The following ZMIZ1 variants were observed in gnomAD, a reference collection of about 807,000 sequenced individuals.
ZMIZ1 encodes zinc finger MIZ-type containing 1.
Under a neutral mutation model 113.9 loss-of-function variants are expected in ZMIZ1, and 17 were observed. The ratio of observed to expected loss-of-function variants is 0.15; its 90% CI spans 0.10 to 0.22. The LOEUF (loss-of-function observed/expected upper bound fraction) is 0.22. ZMIZ1 is among the 10% of genes least tolerant of loss of function. The probability of loss-of-function intolerance (pLI) is 1.00; values close to 1 mark genes in which losing one functional copy is unlikely to be tolerated. For missense variants in ZMIZ1, 1,059 were observed against 1,477.8 expected (o/e 0.72, Z 4.65); for synonymous variants, 607 against 603.1 (o/e 1.01, Z -0.09).
Position 79,298,585 on chromosome 10 carries a change from G to T in ZMIZ1, c.1666+5G>T. 6.3e-7 allele frequency: 1 copy of T among 1,592,464 alleles called. No individual in the cohort carries two copies. The highest frequency in any genetic ancestry group is 2.3e-5 in the East Asian group (1 of 43,162). ...GCGCTCTGCCACCACCCCCAGGTGA[G>T]GGCCCTCCCTCCCTCTCTTGGCAGC... On this transcript the variant is annotated splice_donor_5th_base_variant and intron_variant, in intron 15 of 24. Coordinates refer to ENST00000334512, the MANE Select transcript of ZMIZ1 (RefSeq NM_020338.4).
chr10:79,243,297 C>T (rs918187698), intron 7 of ZMIZ1, among the ~76,000 whole-genome samples: 1 of 150,342 alleles, frequency 6.7e-6, no homozygotes, highest in Non-Finnish European at 1.5e-5. Context: ...GGCCCATCCC[C>T]GTCCCTGGAG....
intron 5 of ZMIZ1, among the ~76,000 whole-genome samples, chr10:79,202,644 C>A (rs1848151535): frequency 6.6e-6 from 1 of 152,210 alleles, no homozygotes; most frequent in Non-Finnish European, 1.5e-5. Flanking sequence ...GCAAGCTGCC[C>A]AGGAGTTCCC....
chr10:79,208,672 G>A (rs760672587), intron 6 of ZMIZ1, among the ~76,000 whole-genome samples: 6 of 152,242 alleles, frequency 3.9e-5, no homozygotes, highest in Admixed American at 6.5e-5. Flanking sequence ...CCTAGGGATT[G>A]TGTGGGTTCC....
intron 4 of ZMIZ1, among the ~76,000 whole-genome samples, chr10:79,165,643 C>T (rs1846295805): frequency 2.0e-5 from 3 of 152,196 alleles, no homozygotes; most frequent in Admixed American, 6.5e-5. Context: ...GCCCTGACCA[C>T]AGTGGAGCTG....
chr10:79,142,184 AC>A (rs1310337185), intron 3 of ZMIZ1, among the ~76,000 whole-genome samples: 2 of 152,190 alleles, frequency 1.3e-5, no homozygotes, highest in African/African-American at 2.4e-5. Flanking sequence ...TGTTTCAGAC[AC>A]ATTGAGTTTG....
At chr10:79,212,793 TGA>T (rs1268003471) in intron 6 of ZMIZ1, among the ~76,000 whole-genome samples, 2 of 151,380 alleles carry the variant, frequency 1.3e-5, no homozygotes, top group Non-Finnish European at 1.5e-5. Context: ...TGTGTACAGA[TGA>T]GATCTTGCTA....
At chr10:79,092,971 A>C (rs544175102) in intron 1 of ZMIZ1, among the ~76,000 whole-genome samples, 1 of 151,986 alleles carries the variant, frequency 6.6e-6, no homozygotes, top group Admixed American at 6.6e-5. Context: ...ATACAATGCA[A>C]GCAGTTGAGG....
intron 7 of ZMIZ1, among the ~76,000 whole-genome samples, chr10:79,242,471 A>G (rs930330057): frequency 1.3e-5 from 2 of 151,766 alleles, no homozygotes; most frequent in Non-Finnish European, 1.5e-5. Flanking sequence ...CGGGCCGCCT[A>G]CCTTCTCCAC....
Position 79,279,951 on chromosome 10 carries a change from G to A in ZMIZ1, c.425+2626G>A, listed in dbSNP as rs139818352. ...CGGCTAGGTATCAGAGGGAGAGACC[G>A]TGCAAAGGGGAGAGGGGGAGGGAGA... On this transcript the variant is annotated intron_variant, in intron 8 of 24. Coordinates refer to ENST00000334512, the MANE Select transcript of ZMIZ1 (RefSeq NM_020338.4). Among the ~76,000 whole-genome samples the A allele has an allele frequency of 2.0e-5, 3 of 152,020 alleles. No homozygotes were observed. The East Asian group carries it at 5.8e-4, about 29-fold the overall frequency.
chr10:79,177,917 A>G (rs1427306076), intron 4 of ZMIZ1, among the ~76,000 whole-genome samples: 1 of 151,950 alleles, frequency 6.6e-6, no homozygotes, highest in Non-Finnish European at 1.5e-5. Context: ...TCACCTTATA[A>G]TTTTCTTTTC....
chr10:79,253,249 A>G (rs79511547), intron 7 of ZMIZ1, among the ~76,000 whole-genome samples: 3,916 of 152,308 alleles, frequency 0.026, 158 homozygotes, highest in African/African-American at 0.088. Context: ...GCAGTTGAAC[A>G]TGCATGTGTC....
rs375172837 is a variant in ZMIZ1, at chr10:79,113,290, C to T, written c.-336-5625C>T. 7.9e-5 allele frequency among the ~76,000 whole-genome samples: 12 copies of T among 152,282 alleles called. No individual in the cohort carries two copies. In the East Asian group the frequency reaches 2.3e-3, roughly 29 times the overall value. Reference sequence around the variant, plus strand: ...CAGCTCTGCCAGGACTGTCTGTGGCCGAGAGACCGGCAGCATCCTGGGCCT... The same window carrying T: ...CAGCTCTGCCAGGACTGTCTGTGGCTGAGAGACCGGCAGCATCCTGGGCCT... On this transcript the variant is annotated intron_variant, in intron 1 of 24. Transcript: ENST00000334512.
intron 8 of ZMIZ1, among the ~76,000 whole-genome samples, chr10:79,281,979 G>A (rs2131993220): frequency 6.6e-6 from 1 of 152,316 alleles, no homozygotes; most frequent in South Asian, 2.1e-4. Context: ...CTGATCCACA[G>A]CTCACCTTTT....
In ZMIZ1 at chr10:79,118,190, C is replaced by T. The variant is rs1054748329; in HGVS notation, c.-336-725C>T. Among the ~76,000 whole-genome samples the T allele has an allele frequency of 4.6e-5, 7 of 152,216 alleles. No homozygotes were observed. The highest frequency in any genetic ancestry group is 1.7e-4 in the African/African-American group (7 of 41,458). ...CCTCACCAAGTCCCTTTCTTCTCAT[C>T]AATCTGACCCCATATTCTAGAATCG... On this transcript the variant is annotated intron_variant, in intron 1 of 24. Coordinates refer to ENST00000334512, the MANE Select transcript of ZMIZ1 (RefSeq NM_020338.4). The surrounding 1 kb of genome is among the most constrained non-coding windows in gnomAD (Gnocchi z 4.1).
chr10:79,165,197 C>T (rs1319314791), intron 4 of ZMIZ1, among the ~76,000 whole-genome samples: 1 of 152,154 alleles, frequency 6.6e-6, no homozygotes, highest in Non-Finnish European at 1.5e-5. Context: ...ATTTGGGCCA[C>T]GATCCTTCAG....
At chr10:79,153,989 A>G (rs1845803596) in intron 3 of ZMIZ1, among the ~76,000 whole-genome samples, 1 of 152,236 alleles carries the variant, frequency 6.6e-6, no homozygotes, top group South Asian at 2.1e-4. Context: ...GAGAACACTC[A>G]GTGCTCAGTG....
intron 1 of ZMIZ1, among the ~76,000 whole-genome samples, chr10:79,115,828 C>T (rs533040972): frequency 6.6e-5 from 10 of 152,228 alleles, no homozygotes; most frequent in Admixed American, 2.0e-4. Flanking sequence ...GGAGGGCTTC[C>T]GCCTTCTCAG....
Position 79,302,103 on chromosome 10 carries a change from G to A in ZMIZ1, c.2020-4G>A, listed in dbSNP as rs371269420. The A allele has an allele frequency of 4.6e-5, 74 of 1,613,496 alleles. No homozygotes were observed. The East Asian group carries it at 1.0e-3, about 22-fold the overall frequency. ...GGAACTGAGTGTCTCCTCTCTCCCC[G>A]CAGTCCCACCTCTTCGTGCTGCAGC... On this transcript the variant is annotated splice_region_variant and splice_polypyrimidine_tract_variant and intron_variant, in intron 17 of 24. Coordinates refer to ENST00000334512, the MANE Select transcript of ZMIZ1 (RefSeq NM_020338.4).
chr10:79,135,829 C>T (rs574328720), intron 2 of ZMIZ1, among the ~76,000 whole-genome samples: 1 of 152,270 alleles, frequency 6.6e-6, no homozygotes, highest in African/African-American at 2.4e-5. Context: ...GCAAAGTGTC[C>T]CTCAAAGGAA....
Sources: allele counts gnomAD v4.1 joint callset (sites outside exome capture counted in the v4.1 genomes callset), GRCh38; gene constraint gnomAD v4.1.1; non-coding constraint Gnocchi (gnomAD v3.1); transcripts MANE v1.5; gene names NCBI Gene and HGNC (gene_info 2026-07-23, HGNC 2026-07-21).